The following MYO1E variants were observed in gnomAD, a reference collection of about 807,000 sequenced individuals.
MYO1E encodes the protein myosin IE.
A neutral mutation model predicts 151.1 loss-of-function variants in MYO1E; 68 were observed. That is an observed-to-expected ratio of 0.45 (90% CI 0.37 to 0.55). MYO1E has a LOEUF of 0.55. Ranked by LOEUF, MYO1E falls within the 20% of genes least tolerant of loss-of-function variation. The pLI is 0.00. For missense variants in MYO1E, 1,363 were observed against 1,389.3 expected (o/e 0.98, Z 0.30); for synonymous variants, 601 against 501.7 (o/e 1.20, Z -2.64).
intron 26 of MYO1E, among the ~76,000 whole-genome samples, chr15:59,139,230 CCCAT>C (rs2079392752): frequency 6.6e-6 from 1 of 151,366 alleles, no homozygotes; most frequent in Non-Finnish European, 1.5e-5. Context: ...AGACTTCCCT[CCCAT>C]CCCTCATTAT....
At chr15:59,243,674 G>A (rs553533050) in intron 4 of MYO1E, among the ~76,000 whole-genome samples, 2 of 152,262 alleles carry the variant, frequency 1.3e-5, no homozygotes, top group African/African-American at 4.8e-5. Flanking sequence ...ACAGTTCATA[G>A]TATCAGCAAA....
intron 27 of MYO1E, among the ~76,000 whole-genome samples, chr15:59,137,974 A>G (rs1264053083): frequency 8.5e-5 from 13 of 152,246 alleles, no homozygotes; most frequent in Admixed American, 8.5e-4. Context: ...GCTACCATGA[A>G]GAAAAACAGC....
At chr15:59,258,135 T>C (rs2080204518) in intron 3 of MYO1E, among the ~76,000 whole-genome samples, 1 of 152,038 alleles carries the variant, frequency 6.6e-6, no homozygotes. Context: ...TCACTTGAGG[T>C]CAGGAGTCCG....
intron 1 of MYO1E, among the ~76,000 whole-genome samples, chr15:59,336,141 C>T (rs1195262243): frequency 9.9e-5 from 15 of 151,930 alleles, no homozygotes; most frequent in South Asian, 2.1e-4. Flanking sequence ...GAGGCTGAAG[C>T]GGGCAGATCA....
intron 18 of MYO1E, among the ~76,000 whole-genome samples, chr15:59,180,400 T>A (rs1289690347): frequency 6.6e-6 from 1 of 152,152 alleles, no homozygotes; most frequent in Admixed American, 6.5e-5. Flanking sequence ...CTATAGACTT[T>A]CAAGGTGACA....
At chr15:59,282,370 G>A (rs1358181976) in intron 1 of MYO1E, among the ~76,000 whole-genome samples, 1 of 152,194 alleles carries the variant, frequency 6.6e-6, no homozygotes, top group Non-Finnish European at 1.5e-5. Context: ...GGACATGTCA[G>A]TAGTCCCCAG....
intron 5 of MYO1E, 127 bp from the exon 6 acceptor site, chr15:59,231,918 T>G: frequency 3.8e-6 from 3 of 795,270 alleles, no homozygotes; most frequent in Non-Finnish European, 6.5e-6. Flanking sequence ...CGTGTGTCAC[T>G]GGTGGGGTTT....
intron 1 of MYO1E, among the ~76,000 whole-genome samples, chr15:59,283,881 A>G (rs2080371475): frequency 6.6e-6 from 1 of 152,248 alleles, no homozygotes; most frequent in African/African-American, 2.4e-5. Context: ...GCTTTATTGC[A>G]TGTTTACTAT....
chr15:59,166,855 CTCTCT>C (rs1241159176), intron 22 of MYO1E, among the ~76,000 whole-genome samples: 1 of 152,198 alleles, frequency 6.6e-6, no homozygotes, highest in East Asian at 1.9e-4. Flanking sequence ...ACCCACTCTC[CTCTCT>C]TGTGTCCCAG....
At chr15:59,174,596 A>C (rs1329805834) in intron 19 of MYO1E, among the ~76,000 whole-genome samples, 1 of 152,136 alleles carries the variant, frequency 6.6e-6, no homozygotes, top group East Asian at 1.9e-4. Context: ...TTAGGAAGTC[A>C]GATCAAGTGA....
intron 1 of MYO1E, among the ~76,000 whole-genome samples, chr15:59,360,387 G>C (rs1485434311): frequency 1.3e-5 from 2 of 152,088 alleles, no homozygotes; most frequent in Admixed American, 6.6e-5. Flanking sequence ...GTCTGTGTGT[G>C]GAATGTCTTT....
intron 1 of MYO1E, among the ~76,000 whole-genome samples, chr15:59,354,595 TAATA>T (rs1446888677): frequency 2.0e-5 from 3 of 151,970 alleles, no homozygotes; most frequent in African/African-American, 7.3e-5. Context: ...CTAAATGTGA[TAATA>T]AATATCAGGC....
chr15:59,307,511 T>G (rs182318362), intron 1 of MYO1E, among the ~76,000 whole-genome samples: 2 of 152,308 alleles, frequency 1.3e-5, no homozygotes, highest in Admixed American at 1.3e-4. Flanking sequence ...CTTCCCACCT[T>G]CACTCTCAGG....
Position 59,159,550 on chromosome 15 carries a change from C to T in MYO1E, c.2786-1171G>A, listed in dbSNP as rs577916225. ...GTAGCCTTCAGTTCACCTCGTTCCT[C>T]CCTCTGCTGCTTCAGGTTTGCGGAT... On this transcript the variant is annotated intron_variant, in intron 24 of 27. Coordinates refer to ENST00000288235, the MANE Select transcript of MYO1E (RefSeq NM_004998.4). This position sits in a 1 kb window ranked among gnomAD's most constrained non-coding sequence, Gnocchi z 4.4. Among the ~76,000 whole-genome samples, 1 of 152,312 alleles carries T rather than the reference C, an allele frequency of 6.6e-6. No homozygotes were observed. Among genetic ancestry groups the T allele is most frequent in the East Asian group, 1.9e-4 (1 of 5,176 alleles).
intron 1 of MYO1E, among the ~76,000 whole-genome samples, chr15:59,331,247 G>T (rs2080696343): frequency 6.6e-6 from 1 of 152,190 alleles, no homozygotes; most frequent in Non-Finnish European, 1.5e-5. Context: ...GGAAAACCTT[G>T]AAAGATGTGA....
chr15:59,171,888 A>G lies in MYO1E; in HGVS notation c.2480+9T>C, dbSNP rs771795933. 12 of 1,614,040 alleles carry G rather than the reference A, an allele frequency of 7.4e-6. No individual in the cohort carries two copies. The highest frequency in any genetic ancestry group is 9.3e-6 in the Non-Finnish European group (11 of 1,180,022). On this transcript the variant is annotated intron_variant, in intron 22 of 27. Transcript: ENST00000288235. The stretch of plus-strand genomic sequence containing the variant: ...GGGGCAGTCCTGCCTCTGCACCTCC[A>G]CTACTCACCTGAGGGACACAGACAA...
intron 4 of MYO1E, among the ~76,000 whole-genome samples, chr15:59,241,114 G>A (rs1294136741): frequency 3.3e-5 from 5 of 152,290 alleles, no homozygotes; most frequent in Admixed American, 6.5e-5. Flanking sequence ...GGTGTGTTGC[G>A]TGTGTGTATG....
chr15:59,194,607 T>A (rs191292339), intron 17 of MYO1E, among the ~76,000 whole-genome samples: 2 of 152,218 alleles, frequency 1.3e-5, no homozygotes. Context: ...GTAGCAATTC[T>A]GGTAGGCTCC....
intron 1 of MYO1E, among the ~76,000 whole-genome samples, chr15:59,359,280 CATATAT>C (rs34337748): frequency 7.1e-6 from 1 of 140,220 alleles, no homozygotes; most frequent in African/African-American, 2.6e-5. Context: ...ATTTTACATA[CATATAT>C]ATATATATGT....
Sources: allele counts gnomAD v4.1 joint callset (sites outside exome capture counted in the v4.1 genomes callset), GRCh38; gene constraint gnomAD v4.1.1; non-coding constraint Gnocchi (gnomAD v3.1); transcripts MANE v1.5; gene names NCBI Gene and HGNC (gene_info 2026-07-23, HGNC 2026-07-21).